TMEM248: variants seen among roughly 807,000 people sequenced by gnomAD.
The protein encoded by TMEM248 is transmembrane protein 248.
In TMEM248, 9 loss-of-function variants were observed where a neutral mutation model predicts 30.3. The observed-to-expected ratio is 0.30, with a 90% CI of 0.18 to 0.52. TMEM248 has a LOEUF of 0.52. Ranked by LOEUF, TMEM248 falls within the 20% of genes least tolerant of loss-of-function variation. The probability of loss-of-function intolerance (pLI) is 0.97; values close to 1 mark genes in which losing one functional copy is unlikely to be tolerated. For missense variants in TMEM248, 338 were observed against 403.3 expected, an observed-to-expected ratio of 0.84 and a Z score of 1.39; for synonymous variants, 184 against 154.4, an observed-to-expected ratio of 1.19 and a Z score of -1.42.
At chr7:66,953,779 C>T (rs1446547984) in intron 6 of TMEM248, among the ~76,000 whole-genome samples, 15 of 151,774 alleles carry the variant, frequency 9.9e-5, no homozygotes, top group African/African-American at 3.6e-4. Context: ...TAAGTTTTTG[C>T]ATTTTTAGTA....
Position 66,957,386 on chromosome 7 carries a change from TC to T in TMEM248, c.*1866del, listed in dbSNP as rs1341905825. ...CTTGATATGTTAGTATTTTTCTTTT[TC>T]CTTTTAGTATGTTTCAAGTGCAGTA... On this transcript the variant is annotated 3_prime_UTR_variant, in exon 7 of 7. Transcript: ENST00000341567. 6.6e-6 allele frequency: 1 copy of T among 152,252 alleles called. No homozygotes were observed. Among genetic ancestry groups the T allele is most frequent in the Non-Finnish European group, 1.5e-5 (1 of 68,048 alleles). The allele number at this position is 152,252 out of a possible 1,614,324, so 9.4% of individuals were successfully genotyped here.
intron 1 of TMEM248, among the ~76,000 whole-genome samples, chr7:66,928,516 G>A (rs866431771): frequency 2.0e-5 from 3 of 152,130 alleles, no homozygotes; most frequent in African/African-American, 4.8e-5. Context: ...TGTAAAGTGG[G>A]AATAGTAGTA....
Position 66,947,118 on chromosome 7 carries a change from G to A in TMEM248, c.446-1426G>A, listed in dbSNP as rs926024347. ...TAGTCCCAGCTACTTGTGAGGCTGA[G>A]GTGGGAGGATTGCTTGAACCTGGGA... On this transcript the variant is annotated intron_variant, in intron 3 of 6. Transcript: ENST00000341567. Among the ~76,000 whole-genome samples the A allele has an allele frequency of 3.3e-5, 5 of 151,714 alleles. No homozygotes were observed. The South Asian group carries it at 1.0e-3, about 32-fold the overall frequency.
chr7:66,950,657 C>G (rs1346994593), intron 4 of TMEM248, among the ~76,000 whole-genome samples: 2 of 152,148 alleles, frequency 1.3e-5, no homozygotes, highest in East Asian at 3.8e-4. Context: ...AGCTTATGTG[C>G]TTTGCATCAC....
intron 1 of TMEM248, among the ~76,000 whole-genome samples, chr7:66,933,464 A>C (rs181424379): frequency 6.6e-6 from 1 of 152,246 alleles, no homozygotes; most frequent in Non-Finnish European, 1.5e-5. Context: ...CTGAGTAGTT[A>C]AATCTTTGGA....
chr7:66,954,934 T>C (rs1180941774), intron 6 of TMEM248, among the ~76,000 whole-genome samples: 3 of 152,132 alleles, frequency 2.0e-5, no homozygotes, highest in African/African-American at 7.2e-5. Flanking sequence ...TGTAGTTCCA[T>C]CAGCATAAGA....
chr7:66,955,068 G>T lies in TMEM248; in HGVS notation c.925-434G>T, dbSNP rs573101236. On this transcript the variant is annotated intron_variant, in intron 6 of 6. Transcript: ENST00000341567. ...ACTTGAGCCCACGAGTTCAAGACCA[G>T]CCTGGGCAACATAGTGAGAACCCTT... 3.9e-5 allele frequency among the ~76,000 whole-genome samples: 6 copies of T among 152,318 alleles called. No individual in the cohort carries two copies. The South Asian group carries it at 1.2e-3, about 32-fold the overall frequency.
chr7:66,932,134 C>T (rs529012629), intron 1 of TMEM248, among the ~76,000 whole-genome samples: 10 of 152,070 alleles, frequency 6.6e-5, no homozygotes, highest in Non-Finnish European at 1.0e-4. Flanking sequence ...TGCTTTCCTC[C>T]CCTTATATTA....
intron 1 of TMEM248, among the ~76,000 whole-genome samples, chr7:66,931,083 A>C (rs1401009396): frequency 6.6e-6 from 1 of 152,008 alleles, no homozygotes; most frequent in East Asian, 1.9e-4. Flanking sequence ...CAGGTGGATC[A>C]CTTGAAGTCA....
At chr7:66,955,389 C>G (rs369328647) in intron 6 of TMEM248, 113 bp from the exon 7 acceptor site, 1 of 1,230,680 alleles carries the variant, frequency 8.1e-7, no homozygotes, top group African/African-American at 1.5e-5. Flanking sequence ...GATTTAGTAA[C>G]TTCACTGTCT....
Position 66,945,124 on chromosome 7 carries a change from C to T in TMEM248, c.308C>T (p.Ala103Val), listed in dbSNP as rs200724089. The change falls in exon 3 of 7, where the codon GCC becomes GTC. Residue 103 changes from alanine (A) to valine (V), a missense_variant. Coordinates refer to ENST00000341567, the MANE Select transcript of TMEM248 (RefSeq NM_017994.5). The stretch of plus-strand genomic sequence containing the variant: ...CGAGCTTCCACCCAGTCCCCCCAGG[C>T]CCTGGAGGACTCGGGCCCGGTGAAT... Reference protein sequence around the residue: ...QARASTQSPQALEDSGPVNIS... With the variant: ...QARASTQSPQVLEDSGPVNIS... The T allele has an allele frequency of 2.9e-5, 47 of 1,614,236 alleles. 1 individual carries two copies. The East Asian group carries it at 5.6e-4, about 19-fold the overall frequency.
At chr7:66,939,812 A>T (rs1221318977) in intron 1 of TMEM248, among the ~76,000 whole-genome samples, 1 of 152,208 alleles carries the variant, frequency 6.6e-6, no homozygotes, top group East Asian at 1.9e-4. Flanking sequence ...CGTTGGGCTC[A>T]TAAATGAGGG....
At chr7:66,931,218 G>A (rs1458854316) in intron 1 of TMEM248, among the ~76,000 whole-genome samples, 1 of 148,954 alleles carries the variant, frequency 6.7e-6, no homozygotes, top group Non-Finnish European at 1.5e-5. Context: ...TAGGAGAATC[G>A]CTTGAACCTG....
intron 2 of TMEM248, among the ~76,000 whole-genome samples, chr7:66,943,162 C>G (rs893937920): frequency 6.6e-6 from 1 of 152,086 alleles, no homozygotes; most frequent in South Asian, 2.1e-4. Context: ...CTGACCCTGC[C>G]TCAATCTTTA....
At position 66,950,030 on chromosome 7, in the gene TMEM248, T is replaced by C. The variant is rs113095777; in HGVS notation, c.597-922T>C. Among the ~76,000 whole-genome samples the C allele has an allele frequency of 1.4e-3, 215 of 152,222 alleles. 1 individual carries two copies. The highest frequency in any genetic ancestry group is 4.7e-3 in the African/African-American group (196 of 41,546). On this transcript the variant is annotated intron_variant, in intron 4 of 6. Coordinates refer to ENST00000341567, the MANE Select transcript of TMEM248 (RefSeq NM_017994.5). ...TTACTTTGTGTTGCAGTGACTGATATAGAATTTTGTAGGTAAAGCTTCCAG... is the reference window on the plus strand; with the variant it reads ...TTACTTTGTGTTGCAGTGACTGATACAGAATTTTGTAGGTAAAGCTTCCAG...
Position 66,956,703 on chromosome 7 carries a change from G to T in TMEM248, c.*1181G>T, listed in dbSNP as rs192719556. The T allele has an allele frequency of 4.0e-5, 6 of 151,632 alleles. No homozygotes were observed. The highest frequency in any genetic ancestry group is 7.3e-5 in the African/African-American group (3 of 41,162). 9.4% of individuals were successfully genotyped at this position (151,632 alleles called of 1,614,324 possible). On this transcript the variant is annotated 3_prime_UTR_variant, in exon 7 of 7. Transcript: ENST00000341567. ...TTTTCTTTTTCTTTTTTTTTGGAGG[G>T]GGGAGGCAGGGTCTTGCTCTGTCCC...
chr7:66,922,370 C>G (rs1791408761), intron 1 of TMEM248: 1 of 152,156 alleles, frequency 6.6e-6, no homozygotes, highest in African/African-American at 2.4e-5. Context: ...ATGTGTATCT[C>G]ATTTGTAGAT....
intron 6 of TMEM248, among the ~76,000 whole-genome samples, chr7:66,953,938 T>C (rs529458822): frequency 7.5e-6 from 1 of 133,046 alleles, no homozygotes; most frequent in Non-Finnish European, 1.6e-5. Flanking sequence ...TAGATTACTT[T>C]CTTTTTTTTT....
rs1047801062 is a variant in TMEM248, at chr7:66,955,541, T to A, written c.*19T>A. ...AGCCTAATTCCACAGCTCCTTGTTTTTTGAGAGAGACTGAGAGAACCATAA... is the reference window on the plus strand; with the variant it reads ...AGCCTAATTCCACAGCTCCTTGTTTATTGAGAGAGACTGAGAGAACCATAA... On this transcript the variant is annotated 3_prime_UTR_variant, in exon 7 of 7. Transcript: ENST00000341567. 1.9e-6 allele frequency: 3 copies of A among 1,614,058 alleles called. No individual in the cohort carries two copies. Among genetic ancestry groups the A allele is most frequent in the Non-Finnish European group, 1.7e-6 (2 of 1,180,004 alleles).
Sources: gnomAD v4.1 joint callset for allele counts (sites outside exome capture counted in the v4.1 genomes callset) on GRCh38, gnomAD v4.1.1 for gene constraint, MANE v1.5 for transcripts, NCBI Gene and HGNC (gene_info 2026-07-23, HGNC 2026-07-21) for gene names.